DGKI: variants seen among roughly 807,000 people sequenced by gnomAD.
DGKI encodes the protein DAG kinase iota.
A neutral mutation model predicts 147.5 loss-of-function variants in DGKI; 55 were observed. The observed-to-expected ratio is 0.37, with a 90% CI of 0.30 to 0.47. DGKI has a LOEUF of 0.47. DGKI is among the 20% of genes least tolerant of loss of function. The pLI, the probability that DGKI is intolerant of heterozygous loss-of-function variation, is 1.00. For missense variants in DGKI, 1,007 were observed against 1,323.8 expected, an observed-to-expected ratio of 0.76 and a Z score of 3.71; for synonymous variants, 469 against 477.1, an observed-to-expected ratio of 0.98 and a Z score of 0.22.
intron 20 of DGKI, among the ~76,000 whole-genome samples, chr7:137,527,214 G>A (rs1006538834): frequency 7.9e-5 from 12 of 152,114 alleles, no homozygotes; most frequent in Non-Finnish European, 1.6e-4. Flanking sequence ...CACCTTCCTG[G>A]CAAATAATAA....
At chr7:137,708,428 C>CA (rs1427956496) in intron 1 of DGKI, among the ~76,000 whole-genome samples, 5 of 152,150 alleles carry the variant, frequency 3.3e-5, no homozygotes, top group African/African-American at 1.2e-4. Context: ...TCAGTCCTCC[C>CA]AGTAGATGTC....
intron 6 of DGKI, among the ~76,000 whole-genome samples, chr7:137,630,171 C>T (rs922471138): frequency 6.6e-6 from 1 of 152,072 alleles, no homozygotes; most frequent in Non-Finnish European, 1.5e-5. Flanking sequence ...GATTTAATTA[C>T]AATATCTTTT....
At chr7:137,816,611 T>C (rs1387883415) in intron 1 of DGKI, among the ~76,000 whole-genome samples, 3 of 152,180 alleles carry the variant, frequency 2.0e-5, no homozygotes, top group Admixed American at 6.5e-5. Context: ...AAAGACCTTG[T>C]GGTGCTTATA....
chr7:137,448,688 G>A (rs1352487551), intron 27 of DGKI, among the ~76,000 whole-genome samples: 1 of 27,652 alleles, frequency 3.6e-5, no homozygotes, highest in Admixed American at 2.9e-4. Flanking sequence ...GGAGGAGGGA[G>A]GGAAGGAAGG....
Position 137,519,180 on chromosome 7 carries a change from G to A in DGKI, c.2248+2686C>T, listed in dbSNP as rs377441469. On this transcript the variant is annotated intron_variant, in intron 21 of 32. Transcript: ENST00000614521. ...CCCAGTGAGATGGGGCTAAGTGGAA[G>A]AGGAATGGGAAATATCTGAAAGAGT... Among the ~76,000 whole-genome samples, 31 of 152,208 alleles carry A rather than the reference G, an allele frequency of 2.0e-4. No homozygotes were observed. In the South Asian group the frequency reaches 5.8e-3, roughly 28 times the overall value.
intron 21 of DGKI, among the ~76,000 whole-genome samples, chr7:137,496,758 G>A (rs981945970): frequency 3.9e-5 from 6 of 152,008 alleles, no homozygotes; most frequent in Non-Finnish European, 7.4e-5. Flanking sequence ...TGCAGAGACT[G>A]AAACTGACCC....
At chr7:137,763,663 C>T (rs1055459180) in intron 1 of DGKI, among the ~76,000 whole-genome samples, 11 of 152,216 alleles carry the variant, frequency 7.2e-5, no homozygotes, top group African/African-American at 2.7e-4. Context: ...TTATTATCCA[C>T]GATTCTCCAA....
At chr7:137,678,489 G>A (rs2116392330) in intron 3 of DGKI, 68 bp downstream of exon 3, 1 of 1,476,642 alleles carries the variant, frequency 6.8e-7, no homozygotes, top group Admixed American at 1.7e-5. Flanking sequence ...TGGAAATTTA[G>A]GCAAGGTGAC....
At chr7:137,622,859 A>C (rs990521327) in intron 7 of DGKI, among the ~76,000 whole-genome samples, 1 of 152,216 alleles carries the variant, frequency 6.6e-6, no homozygotes, top group African/African-American at 2.4e-5. Context: ...AGGTAGATTA[A>C]AGAAAAATAA....
intron 1 of DGKI, among the ~76,000 whole-genome samples, chr7:137,787,399 A>G (rs1027709713): frequency 2.6e-5 from 4 of 152,204 alleles, no homozygotes; most frequent in African/African-American, 9.6e-5. Flanking sequence ...GGAAATGCAA[A>G]TCAAAATTGC....
At chr7:137,841,048 C>T (rs1798529850) in intron 1 of DGKI, among the ~76,000 whole-genome samples, 1 of 152,240 alleles carries the variant, frequency 6.6e-6, no homozygotes, top group Admixed American at 6.5e-5. Context: ...TTGGCTGGGC[C>T]TCCAAGGAGT....
At chr7:137,840,108 TA>T (rs1485127507) in intron 1 of DGKI, among the ~76,000 whole-genome samples, 1 of 152,226 alleles carries the variant, frequency 6.6e-6, no homozygotes, top group Non-Finnish European at 1.5e-5. Context: ...CTCCTCTCCC[TA>T]AACACTATGG....
chr7:137,496,886 T>A (rs770884240), intron 21 of DGKI, among the ~76,000 whole-genome samples: 29 of 151,970 alleles, frequency 1.9e-4, no homozygotes, highest in Non-Finnish European at 2.8e-4. Context: ...ACATAAGACT[T>A]GGCAAAGTTT....
intron 1 of DGKI, among the ~76,000 whole-genome samples, chr7:137,778,893 T>C (rs1189979410): frequency 1.3e-5 from 2 of 152,068 alleles, no homozygotes; most frequent in African/African-American, 2.4e-5. Context: ...AATAAATCTC[T>C]CTCCCAAATC....
chr7:137,391,120 G>T lies in DGKI; in HGVS notation c.*100C>A. ...GGTAGATTCTTGCAGGAGAGAGACAGATATATGAATTCCATCAGCTTCTTC... is the reference window on the plus strand; with the variant it reads ...GGTAGATTCTTGCAGGAGAGAGACATATATATGAATTCCATCAGCTTCTTC... On this transcript the variant is annotated 3_prime_UTR_variant, in exon 33 of 33. Coordinates refer to ENST00000614521, the MANE Select transcript of DGKI (RefSeq NM_001321708.2). 1.1e-6 allele frequency: 1 copy of T among 908,492 alleles called. No individual in the cohort carries two copies. Among genetic ancestry groups the T allele is most frequent in the Non-Finnish European group, 1.8e-6 (1 of 542,596 alleles). 56.3% of individuals were successfully genotyped at this position (908,492 alleles called of 1,614,324 possible). A position where few individuals can be genotyped will look rare whatever the true frequency, so the allele number is the denominator to read the frequency against.
At chr7:137,563,165 C>T (rs1353968021) in intron 19 of DGKI, among the ~76,000 whole-genome samples, 2 of 151,192 alleles carry the variant, frequency 1.3e-5, no homozygotes, top group Non-Finnish European at 2.9e-5. Flanking sequence ...AATTGTATGT[C>T]AATTTCACAG....
intron 1 of DGKI, among the ~76,000 whole-genome samples, chr7:137,738,920 C>A (rs573493197): frequency 6.6e-6 from 1 of 152,254 alleles, no homozygotes; most frequent in East Asian, 1.9e-4. Flanking sequence ...CATCCCTCAT[C>A]CCTCAGGTCT....
At chr7:137,455,486 T>C (rs967555095) in intron 27 of DGKI, among the ~76,000 whole-genome samples, 1 of 152,076 alleles carries the variant, frequency 6.6e-6, no homozygotes, top group Non-Finnish European at 1.5e-5. Flanking sequence ...GGGAGGTACT[T>C]AACTTAAAAC....
At chr7:137,817,308 C>G (rs1385349765) in intron 1 of DGKI, among the ~76,000 whole-genome samples, 2 of 152,154 alleles carry the variant, frequency 1.3e-5, no homozygotes, top group African/African-American at 4.8e-5. Context: ...CTATAACACA[C>G]AGTAGGTGCT....
Sources: allele counts gnomAD v4.1 joint callset (sites outside exome capture counted in the v4.1 genomes callset), GRCh38; gene constraint gnomAD v4.1.1; transcripts MANE v1.5; gene names NCBI Gene and HGNC (gene_info 2026-07-23, HGNC 2026-07-21).